Variants in GRIN2B observed in about 807,000 individuals in gnomAD.
The protein encoded by GRIN2B is glutamate receptor ionotropic, NMDA 2B.
A neutral mutation model predicts 114.5 loss-of-function variants in GRIN2B; 5 were observed. The observed-to-expected ratio is 0.04, with a 90% CI of 0.02 to 0.09. GRIN2B has a LOEUF of 0.09. Among genes scored for constraint, GRIN2B ranks in the 10% least tolerant of loss-of-function variants. The probability of loss-of-function intolerance (pLI) is 1.00; values close to 1 mark genes in which losing one functional copy is unlikely to be tolerated. For missense variants in GRIN2B, 1,108 were observed against 1,943.5 expected (o/e 0.57, Z 8.08); for synonymous variants, 787 against 745.1 (o/e 1.06, Z -0.92).
At chr12:13,931,592 A>G (rs1867032613) in intron 2 of GRIN2B, among the ~76,000 whole-genome samples, 1 of 149,954 alleles carries the variant, frequency 6.7e-6, no homozygotes, top group East Asian at 1.9e-4. Flanking sequence ...ACAGCTCCCA[A>G]GCTGATATGT....
intron 5 of GRIN2B, among the ~76,000 whole-genome samples, chr12:13,661,659 G>T (rs1949924711): frequency 6.6e-6 from 1 of 152,192 alleles, no homozygotes; most frequent in Non-Finnish European, 1.5e-5. Flanking sequence ...AAACTCCAGT[G>T]TCTGCAGGGG....
intron 10 of GRIN2B, among the ~76,000 whole-genome samples, chr12:13,591,696 A>T (rs1949010826): frequency 6.6e-6 from 1 of 152,180 alleles, no homozygotes; most frequent in Non-Finnish European, 1.5e-5. Flanking sequence ...GTAACTATTG[A>T]TGTGGTTTCA....
At chr12:13,843,347 G>A (rs1393243460) in intron 3 of GRIN2B, among the ~76,000 whole-genome samples, 1 of 151,904 alleles carries the variant, frequency 6.6e-6, no homozygotes, top group East Asian at 1.9e-4. Flanking sequence ...TCTGCATCAA[G>A]TACCCCTAGG....
intron 2 of GRIN2B, among the ~76,000 whole-genome samples, chr12:13,932,691 TGA>T (rs887394776): frequency 1.3e-5 from 2 of 152,046 alleles, no homozygotes; most frequent in African/African-American, 4.8e-5. Flanking sequence ...TAAGACTAAG[TGA>T]GAGAGATTTC....
intron 2 of GRIN2B, among the ~76,000 whole-genome samples, chr12:13,939,414 A>C (rs1223992360): frequency 6.6e-6 from 1 of 151,950 alleles, no homozygotes; most frequent in East Asian, 1.9e-4. Flanking sequence ...TTAAAAGAGC[A>C]TGGCATGCCT....
intron 2 of GRIN2B, among the ~76,000 whole-genome samples, chr12:13,905,738 C>T (rs145265499): frequency 6.6e-6 from 1 of 152,158 alleles, no homozygotes; most frequent in African/African-American, 2.4e-5. Flanking sequence ...GAGGGTTCTT[C>T]ACCATTCATT....
chr12:13,817,444 A>T (rs533447726), intron 3 of GRIN2B, among the ~76,000 whole-genome samples: 31 of 152,298 alleles, frequency 2.0e-4, no homozygotes, highest in African/African-American at 7.5e-4. Context: ...CACACGAGCC[A>T]CAGGATTGTA....
intron 13 of GRIN2B, among the ~76,000 whole-genome samples, chr12:13,566,763 G>T (rs553408517): frequency 6.6e-6 from 1 of 152,172 alleles, no homozygotes; most frequent in East Asian, 1.9e-4. Context: ...TTTCCATTTT[G>T]ACAGATCTGT....
intron 2 of GRIN2B, among the ~76,000 whole-genome samples, chr12:13,917,514 TA>T (rs1158557445): frequency 6.6e-6 from 1 of 152,064 alleles, no homozygotes; most frequent in African/African-American, 2.4e-5. Context: ...AGCCATAAAG[TA>T]CAGTCCAATA....
At chr12:13,687,716 T>C (rs891777699) in intron 4 of GRIN2B, among the ~76,000 whole-genome samples, 4 of 152,216 alleles carry the variant, frequency 2.6e-5, no homozygotes, top group Non-Finnish European at 4.4e-5. Context: ...AATTTCATCT[T>C]TAACACATGA....
intron 3 of GRIN2B, among the ~76,000 whole-genome samples, chr12:13,819,687 TACAA>T (rs1864896103): frequency 2.6e-5 from 4 of 152,178 alleles, no homozygotes; most frequent in Admixed American, 6.5e-5. Flanking sequence ...AAATTAAGAC[TACAA>T]ACAGTTTTAC....
chr12:13,725,751 G>A (rs1862973827), intron 4 of GRIN2B, among the ~76,000 whole-genome samples: 1 of 152,126 alleles, frequency 6.6e-6, no homozygotes, highest in South Asian at 2.1e-4. Flanking sequence ...CCAGGGAAGA[G>A]GGCCCAGGGT....
At chr12:13,675,965 T>A (rs572164646) in intron 4 of GRIN2B, 106 bp from the exon 5 acceptor site, 5 of 715,820 alleles carry the variant, frequency 7.0e-6, no homozygotes, top group Non-Finnish European at 1.3e-5. Context: ...GACAAGTAAA[T>A]AGAAATACAG....
intron 2 of GRIN2B, among the ~76,000 whole-genome samples, chr12:13,910,542 C>G (rs1194713319): frequency 6.6e-6 from 1 of 152,164 alleles, no homozygotes; most frequent in East Asian, 1.9e-4. Context: ...CTCTCTTTGC[C>G]ACTGCTTTGG....
At chr12:13,898,028 A>ATAAATAAAT (rs1555154300) in intron 2 of GRIN2B, among the ~76,000 whole-genome samples, 1 of 150,502 alleles carries the variant, frequency 6.6e-6, no homozygotes, top group Admixed American at 6.6e-5. Context: ...AAATAAATAA[A>ATAAATAAAT]AAAGAAAGGG....
chr12:13,853,932 G>A (rs903117223), intron 3 of GRIN2B, among the ~76,000 whole-genome samples: 18 of 152,212 alleles, frequency 1.2e-4, no homozygotes, highest in African/African-American at 4.3e-4. Flanking sequence ...ATACAAAAAT[G>A]ATAAAGACCT....
chr12:13,957,402 T>C (rs1867612007), intron 2 of GRIN2B, among the ~76,000 whole-genome samples: 1 of 152,072 alleles, frequency 6.6e-6, no homozygotes, highest in Non-Finnish European at 1.5e-5. Context: ...GCTTCTACCA[T>C]AAAGCACTAC....
At chr12:13,782,799 T>C (rs1811089361) in intron 3 of GRIN2B, among the ~76,000 whole-genome samples, 1 of 152,198 alleles carries the variant, frequency 6.6e-6, no homozygotes, top group Admixed American at 6.5e-5. Context: ...CCTTGCCTCA[T>C]CTTACCTCTG....
intron 3 of GRIN2B, among the ~76,000 whole-genome samples, chr12:13,809,862 T>C (rs150009845): frequency 6.6e-6 from 1 of 152,352 alleles, no homozygotes; most frequent in African/African-American, 2.4e-5. Context: ...CTCCAATTTT[T>C]TTCTACACAC....
Sources: gnomAD v4.1 joint callset for allele counts (sites outside exome capture counted in the v4.1 genomes callset) on GRCh38, gnomAD v4.1.1 for gene constraint, MANE v1.5 for transcripts, NCBI Gene and HGNC (gene_info 2026-07-23, HGNC 2026-07-21) for gene names.